FAM13B: variants seen among roughly 807,000 people sequenced by gnomAD.
FAM13B encodes protein FAM13B.
FAM13B carries 60 observed loss-of-function variants against 117.3 expected under a neutral mutation model. That is an observed-to-expected ratio of 0.51 (90% CI 0.42 to 0.63). FAM13B has a LOEUF of 0.63. Ranked by LOEUF, FAM13B falls within the 30% of genes least tolerant of loss-of-function variation. The pLI, the probability that FAM13B is intolerant of heterozygous loss-of-function variation, is 0.00. For missense variants in FAM13B, 972 were observed against 1,091.9 expected, an observed-to-expected ratio of 0.89 and a Z score of 1.55; for synonymous variants, 332 against 356.1, an observed-to-expected ratio of 0.93 and a Z score of 0.76.
Position 137,988,379 on chromosome 5 carries a change from GA to G in FAM13B, c.849-65del. On this transcript the variant is annotated intron_variant, in intron 7 of 23. Transcript: ENST00000689681. ...ATACTTAATAACTACAAAATGTGCT[GA>G]AATCTGCCATATTTGCACTACCTTG... 5 of 1,333,564 alleles carry G rather than the reference GA, an allele frequency of 3.7e-6. No homozygotes were observed. In the South Asian group the frequency reaches 5.5e-5, roughly 15 times the overall value. 82.6% of individuals were successfully genotyped at this position (1,333,564 alleles called of 1,614,324 possible).
intron 10 of FAM13B, among the ~76,000 whole-genome samples, chr5:137,981,713 G>C (rs1297114227): frequency 6.6e-6 from 1 of 152,116 alleles, no homozygotes; most frequent in Non-Finnish European, 1.5e-5. Context: ...TTGAACCTGG[G>C]GGGCAGAGGC....
intron 17 of FAM13B, among the ~76,000 whole-genome samples, chr5:137,950,421 T>C (rs931236635): frequency 6.6e-6 from 1 of 152,014 alleles, no homozygotes; most frequent in Non-Finnish European, 1.5e-5. Context: ...GAGATGAAAG[T>C]GATAAAATCG....
intron 18 of FAM13B, 31 bp from the exon 19 acceptor site, chr5:137,946,342 C>CA (rs752211644): frequency 0.19 from 155,281 of 827,876 alleles, 57 homozygotes; most frequent in East Asian, 0.21. Flanking sequence ...TAACAAAATA[C>CA]AAAAAAAAAA....
chr5:138,044,564 A>AC (rs1163034187), intron 1 of FAM13B, among the ~76,000 whole-genome samples: 2 of 151,934 alleles, frequency 1.3e-5, no homozygotes, highest in African/African-American at 4.8e-5. Flanking sequence ...AAAAAAAAAA[A>AC]AAAACGGATA....
At chr5:137,979,402 T>C (rs899169181) in intron 10 of FAM13B, among the ~76,000 whole-genome samples, 3 of 152,170 alleles carry the variant, frequency 2.0e-5, no homozygotes, top group Non-Finnish European at 4.4e-5. Flanking sequence ...ACAAACTTTT[T>C]ATGACTACTA....
intron 1 of FAM13B, among the ~76,000 whole-genome samples, chr5:138,047,937 T>C (rs1417520103): frequency 6.6e-6 from 1 of 152,256 alleles, no homozygotes; most frequent in African/African-American, 2.4e-5. Flanking sequence ...TTGTATTGTG[T>C]TTTTAAAAAA....
chr5:137,971,836 G>A (rs997258279), intron 10 of FAM13B, among the ~76,000 whole-genome samples: 95 of 152,002 alleles, frequency 6.2e-4, no homozygotes, highest in Non-Finnish European at 1.2e-3. Context: ...ACAAACACCT[G>A]TATGCAAATA....
chr5:138,050,717 G>C (rs1791777430), intron 1 of FAM13B, among the ~76,000 whole-genome samples: 1 of 152,018 alleles, frequency 6.6e-6, no homozygotes, highest in Admixed American at 6.6e-5. Flanking sequence ...TGGGTTTATT[G>C]GTCCAAAAAT....
chr5:137,944,775 A>T (rs67888066), intron 20 of FAM13B, among the ~76,000 whole-genome samples: 12 of 113,284 alleles, frequency 1.1e-4, no homozygotes, highest in Admixed American at 1.8e-4. Context: ...AAAAAAAAAA[A>T]AAACAAAATC....
intron 10 of FAM13B, among the ~76,000 whole-genome samples, chr5:137,970,064 A>C (rs1463969280): frequency 6.6e-6 from 1 of 152,166 alleles, no homozygotes; most frequent in African/African-American, 2.4e-5. Context: ...GAACTTCCCC[A>C]ATCTAGCAAG....
At chr5:137,940,580 AATCAAC>A in intron 23 of FAM13B, 1 of 411,626 alleles carries the variant, frequency 2.4e-6, no homozygotes, top group Non-Finnish European at 4.3e-6. Flanking sequence ...ACTTATAAAT[AATCAAC>A]ATAGATAACT....
rs182224747 is a variant in FAM13B, at chr5:137,939,379, G to A, written c.*846C>T. 1 of 152,802 alleles carries A rather than the reference G, an allele frequency of 6.5e-6. No individual in the cohort carries two copies. The highest frequency in any genetic ancestry group is 1.9e-4 in the East Asian group (1 of 5,188). The allele number at this position is 152,802 out of a possible 1,614,324, so 9.5% of individuals were successfully genotyped here. A position where few individuals can be genotyped will look rare whatever the true frequency, so the allele number is the denominator to read the frequency against. On this transcript the variant is annotated 3_prime_UTR_variant, in exon 24 of 24. Coordinates refer to ENST00000689681, the MANE Select transcript of FAM13B (RefSeq NM_001385994.1). ...AGCACCATCAGAGTTCCTACATACTGACATGGCTATTTTCTCACATTATCT... is the reference window on the plus strand; with the variant it reads ...AGCACCATCAGAGTTCCTACATACTAACATGGCTATTTTCTCACATTATCT...
At chr5:138,032,689 G>A (rs1790460805) in intron 1 of FAM13B, 93 bp downstream of exon 1, 1 of 978,286 alleles carries the variant, frequency 1.0e-6, no homozygotes, top group African/African-American at 1.8e-5. Context: ...AGGCGCGGGT[G>A]GCAGGCGGCG....
intron 10 of FAM13B, among the ~76,000 whole-genome samples, chr5:137,968,090 C>T (rs1050378548): frequency 6.6e-6 from 1 of 151,460 alleles, no homozygotes; most frequent in Non-Finnish European, 1.5e-5. Context: ...GGCGTAGTGG[C>T]GTGTGCCTAT....
chr5:137,940,484 AG>A (rs780836172), intron 23 of FAM13B, 136 bp from the exon 24 acceptor site: 186 of 616,610 alleles, frequency 3.0e-4, no homozygotes, highest in Non-Finnish European at 4.2e-4. Context: ...AAAAAAAAAA[AG>A]GTTATTGAAC....
intron 22 of FAM13B, 152 bp downstream of exon 22, chr5:137,942,723 A>C: frequency 1.6e-6 from 1 of 617,210 alleles, no homozygotes; most frequent in Non-Finnish European, 2.6e-6. Context: ...AATGACAATA[A>C]ATATTTGCAA....
intron 7 of FAM13B, among the ~76,000 whole-genome samples, chr5:137,995,988 T>C (rs1452286045): frequency 6.6e-6 from 1 of 152,156 alleles, no homozygotes; most frequent in Non-Finnish European, 1.5e-5. Flanking sequence ...TGTGAACTGA[T>C]AAAATCTGTC....
chr5:138,019,968 C>T lies in FAM13B; in HGVS notation c.-35-822G>A, dbSNP rs1039845714. 16 of 970,306 alleles carry T rather than the reference C, an allele frequency of 1.6e-5. 1 individual carries two copies. The highest frequency in any genetic ancestry group is 1.1e-3 in the Middle Eastern group (2 of 1,888). The allele number at this position is 970,306 out of a possible 1,614,324, so 60.1% of individuals were successfully genotyped here. A position where few individuals can be genotyped will look rare whatever the true frequency, so the allele number is the denominator to read the frequency against. ...TGCTGGGATTACAGGCGTTAGCCAC[C>T]GCACCCGGCCTGTAATACATTTTTA... On this transcript the variant is annotated intron_variant, in intron 2 of 23. Coordinates refer to ENST00000689681, the MANE Select transcript of FAM13B (RefSeq NM_001385994.1).
intron 10 of FAM13B, among the ~76,000 whole-genome samples, chr5:137,969,825 G>C (rs2150380727): frequency 6.6e-6 from 1 of 152,280 alleles, no homozygotes; most frequent in South Asian, 2.1e-4. Context: ...AGAAGCCTCA[G>C]GAGCCGATGC....
Sources: gnomAD v4.1 joint callset for allele counts (sites outside exome capture counted in the v4.1 genomes callset) on GRCh38, gnomAD v4.1.1 for gene constraint, MANE v1.5 for transcripts, NCBI Gene and HGNC (gene_info 2026-07-23, HGNC 2026-07-21) for gene names.